The following NUBPL variants were observed in gnomAD, a reference collection of about 807,000 sequenced individuals.
The protein encoded by NUBPL is NUBP iron-sulfur cluster assembly factor, mitochondrial.
Under a neutral mutation model 45.7 loss-of-function variants are expected in NUBPL, and 31 were observed. The observed-to-expected ratio is 0.68, with a 90% CI of 0.51 to 0.92. NUBPL has a LOEUF of 0.92. NUBPL is among the 40% of genes least tolerant of loss of function. NUBPL has a pLI of 0.00. For missense variants in NUBPL, 401 were observed against 398.7 expected, an observed-to-expected ratio of 1.01 and a Z score of -0.05; for synonymous variants, 144 against 140.9, an observed-to-expected ratio of 1.02 and a Z score of -0.15.
At chr14:31,661,667 A>G (rs1289607730) in intron 4 of NUBPL, among the ~76,000 whole-genome samples, 1 of 152,046 alleles carries the variant, frequency 6.6e-6, no homozygotes, top group African/African-American at 2.4e-5. Context: ...TCACCTCCCG[A>G]GTAGCTGGGA....
intron 8 of NUBPL, among the ~76,000 whole-genome samples, chr14:31,827,811 TC>T (rs1379789974): frequency 6.6e-6 from 1 of 152,180 alleles, no homozygotes; most frequent in African/African-American, 2.4e-5. Flanking sequence ...CAGGATAAGA[TC>T]CAGTAATGTA....
intron 4 of NUBPL, among the ~76,000 whole-genome samples, chr14:31,605,437 A>G (rs968059595): frequency 6.6e-6 from 1 of 152,190 alleles, no homozygotes; most frequent in South Asian, 2.1e-4. Context: ...ACTAAAATGG[A>G]TATGTCAAGT....
intron 10 of NUBPL, among the ~76,000 whole-genome samples, chr14:31,858,654 C>T (rs2040662787): frequency 1.3e-5 from 2 of 152,086 alleles, no homozygotes; most frequent in South Asian, 4.2e-4. Context: ...GCTGGTATTA[C>T]ACACCATTCT....
At chr14:31,577,216 T>C (rs1390253997) in intron 3 of NUBPL, among the ~76,000 whole-genome samples, 1 of 152,230 alleles carries the variant, frequency 6.6e-6, no homozygotes, top group Non-Finnish European at 1.5e-5. Context: ...AGTGGGTTTT[T>C]ATTTGAGAAG....
intron 4 of NUBPL, among the ~76,000 whole-genome samples, chr14:31,672,500 G>A (rs779461048): frequency 3.9e-5 from 6 of 152,060 alleles, no homozygotes; most frequent in Non-Finnish European, 5.9e-5. Context: ...GTCTTGTTCT[G>A]TCACCCAGCT....
intron 6 of NUBPL, among the ~76,000 whole-genome samples, chr14:31,780,076 T>C (rs1051914993): frequency 9.3e-5 from 14 of 150,964 alleles, no homozygotes; most frequent in South Asian, 4.2e-4. Flanking sequence ...TTTTTTTTTT[T>C]CCCTGAGACG....
At chr14:31,638,696 T>A (rs2035584685) in intron 4 of NUBPL, among the ~76,000 whole-genome samples, 1 of 152,196 alleles carries the variant, frequency 6.6e-6, no homozygotes, top group Non-Finnish European at 1.5e-5. Flanking sequence ...TCCAACTTGG[T>A]TCCATTCTCC....
intron 6 of NUBPL, among the ~76,000 whole-genome samples, chr14:31,751,875 A>G (rs2038539118): frequency 6.6e-6 from 1 of 152,098 alleles, no homozygotes; most frequent in African/African-American, 2.4e-5. Context: ...GGAGGTTCCC[A>G]AAGCTCAATT....
intron 4 of NUBPL, among the ~76,000 whole-genome samples, chr14:31,652,667 T>C (rs1208252869): frequency 6.6e-6 from 1 of 152,302 alleles, no homozygotes. Flanking sequence ...AAGACATCAA[T>C]ATATAAAAAC....
chr14:31,720,359 A>G (rs942461091), intron 6 of NUBPL, among the ~76,000 whole-genome samples: 1 of 152,188 alleles, frequency 6.6e-6, no homozygotes, highest in African/African-American at 2.4e-5. Flanking sequence ...TTTCTAAAAC[A>G]TGGATATAGT....
At chr14:31,752,588 A>G (rs893559746) in intron 6 of NUBPL, among the ~76,000 whole-genome samples, 2 of 152,222 alleles carry the variant, frequency 1.3e-5, no homozygotes, top group Non-Finnish European at 2.9e-5. Flanking sequence ...ATTTTGGTCA[A>G]AACCATTCAA....
intron 6 of NUBPL, among the ~76,000 whole-genome samples, chr14:31,750,418 C>T (rs1050580891): frequency 8.0e-4 from 120 of 150,196 alleles, no homozygotes; most frequent in African/African-American, 2.6e-3. Context: ...ACCGTGGTCT[C>T]GATCTCCTGA....
chr14:31,822,583 T>C (rs2040035650), intron 7 of NUBPL, among the ~76,000 whole-genome samples: 1 of 152,140 alleles, frequency 6.6e-6, no homozygotes, highest in Non-Finnish European at 1.5e-5. Context: ...CAACAAGGAT[T>C]AGAATTTTAT....
In NUBPL at chr14:31,673,376, T is replaced by G. The variant is rs1424211518; in HGVS notation, c.404T>G (p.Leu135Trp). The change falls in exon 5 of 11, where the codon TTG (leucine) becomes TGG (tryptophan). Residue 135 changes from leucine (L) to tryptophan (W), a missense_variant. By Grantham distance (61) the Leu-to-Trp change is moderately conservative. Transcript: ENST00000281081. ...LSQSNLMRPL[L>W]NYGIACMSMG... is the part of the protein sequence containing the mutation. ...CCAGGCAACCTAATGAGGCCTCTCTTGAATTATGGTATTGCTTGGTGAGCA... is the reference window on the plus strand; with the variant it reads ...CCAGGCAACCTAATGAGGCCTCTCTGGAATTATGGTATTGCTTGGTGAGCA... The G allele has an allele frequency of 6.2e-7, 1 of 1,608,482 alleles. No homozygotes were observed. Among genetic ancestry groups the G allele is most frequent in the Non-Finnish European group, 8.5e-7 (1 of 1,177,148 alleles).
intron 6 of NUBPL, among the ~76,000 whole-genome samples, chr14:31,674,906 A>G (rs544045602): frequency 2.0e-3 from 307 of 152,152 alleles, no homozygotes; most frequent in Non-Finnish European, 3.6e-3. Context: ...GGAGGCCGAG[A>G]TGGGCGGATC....
At chr14:31,767,036 C>G (rs2038925387) in intron 6 of NUBPL, among the ~76,000 whole-genome samples, 1 of 151,686 alleles carries the variant, frequency 6.6e-6, no homozygotes, top group Admixed American at 6.6e-5. Flanking sequence ...TTTCTAACGG[C>G]AAAATCCAAA....
chr14:31,732,556 T>C (rs946507532), intron 6 of NUBPL, among the ~76,000 whole-genome samples: 8 of 151,830 alleles, frequency 5.3e-5, no homozygotes, highest in Non-Finnish European at 1.2e-4. Context: ...AATTGTGTCA[T>C]TTCATGGGTA....
chr14:31,835,697 C>T (rs1171083615), intron 8 of NUBPL, among the ~76,000 whole-genome samples: 1 of 151,856 alleles, frequency 6.6e-6, no homozygotes, highest in African/African-American at 2.4e-5. Flanking sequence ...ACACAGGCCC[C>T]CCCATTCATT....
At chr14:31,637,367 AG>A (rs2035536616) in intron 4 of NUBPL, among the ~76,000 whole-genome samples, 1 of 152,176 alleles carries the variant, frequency 6.6e-6, no homozygotes, top group Non-Finnish European at 1.5e-5. Flanking sequence ...ATTCAGGAGC[AG>A]GTTGTTCAGT....
Sources: gnomAD v4.1 joint callset for allele counts (sites outside exome capture counted in the v4.1 genomes callset) on GRCh38, gnomAD v4.1.1 for gene constraint, MANE v1.5 for transcripts, NCBI Gene and HGNC (gene_info 2026-07-23, HGNC 2026-07-21) for gene names.